EMSY: variants seen among roughly 807,000 people sequenced by gnomAD.
EMSY encodes BRCA2-interacting transcriptional repressor EMSY.
Under a neutral mutation model 134.6 loss-of-function variants are expected in EMSY, and 26 were observed. That is an observed-to-expected ratio of 0.19 (90% CI 0.14 to 0.27). EMSY has a LOEUF of 0.27. EMSY is among the 10% of genes least tolerant of loss of function. EMSY has a pLI of 1.00. For synonymous variants in EMSY, 579 were observed against 577.8 expected (o/e 1.00, Z -0.03); for missense variants, 1,305 against 1,611.4 (o/e 0.81, Z 3.26).
chr11:76,459,138 C>T (rs1342078375), intron 5 of EMSY: 1 of 152,188 alleles, frequency 6.6e-6, no homozygotes, highest in Non-Finnish European at 1.5e-5. Flanking sequence ...GTTCTTCCAT[C>T]TACTGACGCT....
At chr11:76,454,308 T>A (rs1446521926) in intron 4 of EMSY, among the ~76,000 whole-genome samples, 3 of 152,148 alleles carry the variant, frequency 2.0e-5, no homozygotes, top group African/African-American at 7.2e-5. Flanking sequence ...GGGTGCTACC[T>A]TTTCAACAAC....
chr11:76,464,363 A>T (rs1027374035), intron 7 of EMSY, among the ~76,000 whole-genome samples: 12 of 152,218 alleles, frequency 7.9e-5, no homozygotes, highest in African/African-American at 2.9e-4. Flanking sequence ...TATTTGGAAA[A>T]AATTTAAAAT....
exon 16 of EMSY, chr11:76,537,944 A>C (rs1260842749): frequency 6.2e-7 from 1 of 1,608,324 alleles, no homozygotes; most frequent in Non-Finnish European, 8.5e-7. Context: ...TGAATACATC[A>C]CTACTGGTAG....
chr11:76,545,916 A>G (rs780371523), exon 20 of EMSY: 4 of 1,614,202 alleles, frequency 2.5e-6, no homozygotes, highest in Non-Finnish European at 3.4e-6. Flanking sequence ...TGACATCACC[A>G]GTTACAAGCA....
chr11:76,537,701 C>G (rs904800022), intron 15 of EMSY, 94 bp from the exon 17 acceptor site: 1 of 1,148,096 alleles, frequency 8.7e-7, no homozygotes, highest in African/African-American at 1.6e-5. Context: ...CAGTGTGGCA[C>G]CCCAGAGGTC....
At chr11:76,539,631 C>T in exon 17 of EMSY, 1 of 1,613,750 alleles carries the variant, frequency 6.2e-7, no homozygotes, top group Non-Finnish European at 8.5e-7. Context: ...GGTTGCTTTT[C>T]CCCTTCTAGG....
At chr11:76,512,205 C>CTTTAATTT (rs1950302301) in intron 9 of EMSY, among the ~76,000 whole-genome samples, 2 of 150,478 alleles carry the variant, frequency 1.3e-5, no homozygotes, top group Non-Finnish European at 3.0e-5. Context: ...CCTTAGCTAC[C>CTTTAATTT]AATTTAAATT....
intron 4 of EMSY, among the ~76,000 whole-genome samples, chr11:76,457,671 T>A (rs1434493073): frequency 1.3e-5 from 2 of 152,192 alleles, no homozygotes; most frequent in Non-Finnish European, 2.9e-5. Context: ...TTAGGCTCCC[T>A]TGTTTACTGC....
intron 18 of EMSY, among the ~76,000 whole-genome samples, chr11:76,543,501 T>C (rs1271740764): frequency 6.6e-6 from 1 of 152,174 alleles, no homozygotes; most frequent in Non-Finnish European, 1.5e-5. Flanking sequence ...GCTCCTGACA[T>C]TGACCTTTCT....
chr11:76,480,100 A>G (rs913992303), intron 8 of EMSY, among the ~76,000 whole-genome samples: 2 of 152,232 alleles, frequency 1.3e-5, no homozygotes, highest in South Asian at 2.1e-4. Context: ...CACCGCTGGT[A>G]ACTATCTTAT....
chr11:76,448,089 A>G (rs1947495761), intron 2 of EMSY, among the ~76,000 whole-genome samples: 1 of 152,134 alleles, frequency 6.6e-6, no homozygotes, highest in Non-Finnish European at 1.5e-5. Flanking sequence ...AAAAGAGGAT[A>G]ACACTCTCTG....
intron 14 of EMSY, among the ~76,000 whole-genome samples, chr11:76,531,156 G>A (rs889426887): frequency 5.9e-5 from 9 of 151,946 alleles, no homozygotes; most frequent in Non-Finnish European, 1.3e-4. Context: ...TACATTTGTA[G>A]GCCTATATTT....
exon 12 of EMSY, chr11:76,523,161 C>G (rs762236769): frequency 1.2e-6 from 2 of 1,607,590 alleles, no homozygotes; most frequent in Admixed American, 3.4e-5. Context: ...TAAGGAACGA[C>G]TACCAAAATC....
At position 76,544,419 on chromosome 11, in the gene EMSY, C is replaced by T. The variant is rs1459084086; in HGVS notation, c.2870C>T (p.Pro957Leu). 3 of 1,614,112 alleles carry T rather than the reference C, an allele frequency of 1.9e-6. No individual in the cohort carries two copies. The South Asian group carries it at 3.3e-5, about 18-fold the overall frequency. ...GCTAAACAGCAGAAACTTAGCCAGC[C>T]CCCGCTGGAACAGACTCAGCTGCAA... Residue 957 changes from proline (P) to leucine (L), a missense_variant, in exon 19 of 21, where the codon CCC becomes CTC. Pro to Leu is a moderately conservative substitution (Grantham distance 98). Coordinates refer to ENST00000334736, the Ensembl canonical transcript of EMSY.
intron 14 of EMSY, among the ~76,000 whole-genome samples, chr11:76,534,613 T>C (rs772235184): frequency 6.6e-6 from 1 of 152,150 alleles, no homozygotes; most frequent in African/African-American, 2.4e-5. Context: ...TTAAAAAATA[T>C]AAGGTTCATA....
At chr11:76,453,261 T>C (rs372329247) in intron 3 of EMSY, 53 bp from the exon 4 acceptor site, 5 of 1,537,584 alleles carry the variant, frequency 3.3e-6, no homozygotes, top group Non-Finnish European at 3.6e-6. Flanking sequence ...AATGAAAGTA[T>C]AGAAAGAGCT....
intron 9 of EMSY, among the ~76,000 whole-genome samples, chr11:76,506,058 G>A (rs1950064234): frequency 6.6e-6 from 1 of 151,852 alleles, no homozygotes; most frequent in Admixed American, 6.6e-5. Flanking sequence ...TCTCAGCTGA[G>A]GCTAAGGCGG....
exon 21 of EMSY, chr11:76,550,410 C>A (rs1400448772): frequency 7.3e-6 from 2 of 272,444 alleles, no homozygotes; most frequent in Non-Finnish European, 1.4e-5. Context: ...TCTTCTTTCT[C>A]TGTTGGATCA....
Position 76,447,015 on chromosome 11 carries a change from C to T in EMSY, c.70+7C>T, listed in dbSNP as rs756662085. On this transcript the variant is annotated splice_region_variant and intron_variant, in intron 2 of 20. Coordinates refer to ENST00000334736, the Ensembl canonical transcript of EMSY. ...AGAATTCTTCGAAAATTGGGTATGA[C>T]GTTCATTGTTTGTTTTTTACCTCTC... 2 of 1,612,920 alleles carry T rather than the reference C, an allele frequency of 1.2e-6. No homozygotes were observed. Among genetic ancestry groups the T allele is most frequent in the East Asian group, 2.2e-5 (1 of 44,794 alleles).
Sources: gnomAD v4.1 joint callset for allele counts (sites outside exome capture counted in the v4.1 genomes callset) on GRCh38, gnomAD v4.1.1 for gene constraint, MANE v1.5 for transcripts, NCBI Gene and HGNC (gene_info 2026-07-23, HGNC 2026-07-21) for gene names.